MEOX2: variants seen among roughly 807,000 people sequenced by gnomAD.
MEOX2 encodes mesenchyme homeobox 2.
A neutral mutation model predicts 27.0 loss-of-function variants in MEOX2; 11 were observed. That is an observed-to-expected ratio of 0.41 (90% CI 0.26 to 0.68). The LOEUF is 0.68. MEOX2 is among the 30% of genes least tolerant of loss of function. The pLI is 0.33. For synonymous variants in MEOX2, 189 were observed against 155.4 expected (o/e 1.22, Z -1.61); for missense variants, 436 against 385.4 (o/e 1.13, Z -1.10).
At chr7:15,634,617 C>T (rs1217642865) in intron 1 of MEOX2, among the ~76,000 whole-genome samples, 1 of 151,892 alleles carries the variant, frequency 6.6e-6, no homozygotes, top group Non-Finnish European at 1.5e-5. Context: ...AGAATCATTG[C>T]ATATAGATAA....
Position 15,611,242 on chromosome 7 carries a change from T to G in MEOX2, c.*1145A>C, listed in dbSNP as rs992987881. 4 of 152,152 alleles carry G rather than the reference T, an allele frequency of 2.6e-5. No homozygotes were observed. Among genetic ancestry groups the G allele is most frequent in the African/African-American group, 9.7e-5 (4 of 41,434 alleles). The allele number at this position is 152,152 out of a possible 1,614,324, so 9.4% of individuals were successfully genotyped here. On this transcript the variant is annotated 3_prime_UTR_variant, in exon 3 of 3. Coordinates refer to ENST00000262041, the MANE Select transcript of MEOX2 (RefSeq NM_005924.5). ...TACAAAGGATCATTTATTAAACACATTTTAAAAACAAAATACAAAGATAGT... is the reference window on the plus strand; with the variant it reads ...TACAAAGGATCATTTATTAAACACAGTTTAAAAACAAAATACAAAGATAGT...
chr7:15,670,058 C>T (rs550521527), intron 1 of MEOX2, among the ~76,000 whole-genome samples: 1 of 152,108 alleles, frequency 6.6e-6, no homozygotes, highest in African/African-American at 2.4e-5. Flanking sequence ...TGTTTGCTTT[C>T]CTGCTTCCAA....
intron 1 of MEOX2, among the ~76,000 whole-genome samples, chr7:15,671,242 T>C (rs964317196): frequency 2.6e-5 from 4 of 152,168 alleles, no homozygotes; most frequent in Non-Finnish European, 5.9e-5. Context: ...TGAGAATTAC[T>C]AGTCAGAAAA....
At chr7:15,651,956 A>G (rs540381090) in intron 1 of MEOX2, among the ~76,000 whole-genome samples, 4 of 152,040 alleles carry the variant, frequency 2.6e-5, no homozygotes, top group African/African-American at 9.7e-5. Context: ...GTTAACAAGC[A>G]TATCCTGAAA....
At chr7:15,663,570 A>T (rs1016209907) in intron 1 of MEOX2, among the ~76,000 whole-genome samples, 17 of 151,418 alleles carry the variant, frequency 1.1e-4, no homozygotes, top group African/African-American at 4.1e-4. Context: ...CGAACTCCTG[A>T]CCTCGTGATC....
chr7:15,627,089 C>A (rs1781321855), intron 1 of MEOX2, among the ~76,000 whole-genome samples, 171 bp from the exon 2 acceptor site: 1 of 151,898 alleles, frequency 6.6e-6, no homozygotes, highest in African/African-American at 2.4e-5. Flanking sequence ...AGATATAATT[C>A]TTATTTTTTT....
At chr7:15,620,939 ACT>A (rs142852985) in intron 2 of MEOX2, among the ~76,000 whole-genome samples, 7,932 of 152,166 alleles carry the variant, frequency 0.052, 290 homozygotes, top group African/African-American at 0.11. Context: ...GGCAGCCTTA[ACT>A]CTATAAAAAT....
intron 1 of MEOX2, among the ~76,000 whole-genome samples, chr7:15,647,271 A>G (rs932463143): frequency 3.3e-4 from 50 of 152,102 alleles, no homozygotes; most frequent in African/African-American, 1.0e-3. Context: ...GTGTTGGAAG[A>G]ACATCACAAT....
chr7:15,674,463 A>G (rs563347831), intron 1 of MEOX2, among the ~76,000 whole-genome samples: 1 of 152,152 alleles, frequency 6.6e-6, no homozygotes, highest in African/African-American at 2.4e-5. Context: ...CTCAGTCTTA[A>G]ATATAAGTCT....
At chr7:15,642,001 C>T (rs1182973425) in intron 1 of MEOX2, among the ~76,000 whole-genome samples, 1 of 152,058 alleles carries the variant, frequency 6.6e-6, no homozygotes, top group African/African-American at 2.4e-5. Context: ...ATGAGATTGC[C>T]TTTATAGGTG....
At chr7:15,662,308 G>T (rs996481303) in intron 1 of MEOX2, among the ~76,000 whole-genome samples, 1 of 152,050 alleles carries the variant, frequency 6.6e-6, no homozygotes, top group Non-Finnish European at 1.5e-5. Context: ...ATGTGTATTA[G>T]TTATAGGGGT....
intron 2 of MEOX2, among the ~76,000 whole-genome samples, chr7:15,622,217 A>G (rs1781232567): frequency 6.6e-6 from 1 of 152,194 alleles, no homozygotes; most frequent in Non-Finnish European, 1.5e-5. Flanking sequence ...AGATATACAT[A>G]TAGTTAGAAG....
chr7:15,644,800 G>T (rs1388614228), intron 1 of MEOX2, among the ~76,000 whole-genome samples: 3 of 152,202 alleles, frequency 2.0e-5, no homozygotes, highest in Non-Finnish European at 4.4e-5. Context: ...GGGAAGAAAT[G>T]CTCGTTTTGT....
chr7:15,672,734 T>C (rs1351646784), intron 1 of MEOX2, among the ~76,000 whole-genome samples: 1 of 151,592 alleles, frequency 6.6e-6, no homozygotes, highest in Non-Finnish European at 1.5e-5. Flanking sequence ...CTACTAAAAA[T>C]ACAAAAAATT....
chr7:15,634,210 T>G (rs1781449220), intron 1 of MEOX2, among the ~76,000 whole-genome samples: 2 of 151,974 alleles, frequency 1.3e-5, no homozygotes, highest in African/African-American at 4.8e-5. Context: ...TCAGCACTAT[T>G]GACATTTTGG....
At chr7:15,627,003 C>A in intron 1 of MEOX2, 85 bp from the exon 2 acceptor site, 1 of 1,364,604 alleles carries the variant, frequency 7.3e-7, no homozygotes, top group Non-Finnish European at 1.0e-6. Context: ...TGAATTACTA[C>A]TTTTCCAGGT....
intron 1 of MEOX2, among the ~76,000 whole-genome samples, chr7:15,657,819 A>G (rs932805505): frequency 6.6e-6 from 1 of 152,178 alleles, no homozygotes; most frequent in African/African-American, 2.4e-5. Context: ...AGTATTATGT[A>G]TGGTACTCTT....
Position 15,631,192 on chromosome 7 carries a change from C to T in MEOX2, c.518-4274G>A, listed in dbSNP as rs75093970. ...TACATACCAAAAAAGGAATTTCCATCGAGTTATAATTATTATTGTGATAGT... is the reference window on the plus strand; with the variant it reads ...TACATACCAAAAAAGGAATTTCCATTGAGTTATAATTATTATTGTGATAGT... On this transcript the variant is annotated intron_variant, in intron 1 of 2. Coordinates refer to ENST00000262041, the MANE Select transcript of MEOX2 (RefSeq NM_005924.5). Among the ~76,000 whole-genome samples, 604 of 151,142 alleles carry T rather than the reference C, an allele frequency of 4.0e-3. 3 individuals carry two copies. Among genetic ancestry groups the T allele is most frequent in the East Asian group, 0.012 (63 of 5,128 alleles).
chr7:15,665,495 AC>A (rs1299630169), intron 1 of MEOX2, among the ~76,000 whole-genome samples: 2 of 152,214 alleles, frequency 1.3e-5, no homozygotes, highest in South Asian at 2.1e-4. Flanking sequence ...CATTTTAGTC[AC>A]TAATGAAATA....
Sources: allele counts gnomAD v4.1 joint callset (sites outside exome capture counted in the v4.1 genomes callset), GRCh38; gene constraint gnomAD v4.1.1; transcripts MANE v1.5; gene names NCBI Gene and HGNC (gene_info 2026-07-23, HGNC 2026-07-21).